The following SDHB variants were observed in gnomAD, a reference collection of about 807,000 sequenced individuals.
The protein encoded by SDHB is succinate dehydrogenase complex iron sulfur subunit B, also known as succinate dehydrogenase [ubiquinone] iron-sulfur subunit, mitochondrial.
In SDHB, 21 loss-of-function variants were observed where a neutral mutation model predicts 39.7. The ratio of observed to expected loss-of-function variants is 0.53; its 90% CI spans 0.37 to 0.76. The LOEUF (loss-of-function observed/expected upper bound fraction) is 0.76. Ranked by LOEUF, SDHB falls within the 30% of genes least tolerant of loss-of-function variation. SDHB has a pLI of 0.00. For synonymous variants in SDHB, 118 were observed against 117.0 expected (o/e 1.01, Z -0.06); for missense variants, 343 against 350.9 (o/e 0.98, Z 0.18).
At chr1:17,020,912 C>T (rs2077958800) in intron 7 of SDHB, among the ~76,000 whole-genome samples, 1 of 152,258 alleles carries the variant, frequency 6.6e-6, no homozygotes, top group Non-Finnish European at 1.5e-5. Context: ...GTGAATTCTA[C>T]AGCTTGGATT....
chr1:17,019,156 T>G (rs2077947423), intron 7 of SDHB, among the ~76,000 whole-genome samples, 198 bp from the exon 8 acceptor site: 1 of 152,144 alleles, frequency 6.6e-6, no homozygotes, highest in African/African-American at 2.4e-5. Context: ...GATGGTCAGC[T>G]CCCTCTGGCA....
At chr1:17,025,663 G>C (rs1010079490) in intron 5 of SDHB, among the ~76,000 whole-genome samples, 1 of 152,138 alleles carries the variant, frequency 6.6e-6, no homozygotes, top group Non-Finnish European at 1.5e-5. Flanking sequence ...GAGCCTCTCT[G>C]AACCTATTTT....
intron 2 of SDHB, among the ~76,000 whole-genome samples, chr1:17,043,024 C>G (rs1389958124): frequency 8.1e-6 from 1 of 122,816 alleles, no homozygotes. Context: ...TGCAGTGGCA[C>G]GATCTCGGCT....
chr1:17,037,403 G>A (rs551593268), intron 2 of SDHB, among the ~76,000 whole-genome samples: 228 of 151,404 alleles, frequency 1.5e-3, no homozygotes, highest in African/African-American at 5.5e-3. Flanking sequence ...CTGGGTTCAA[G>A]TGATCCTCCC....
chr1:17,049,301 C>CT (rs1000965442), intron 1 of SDHB, among the ~76,000 whole-genome samples: 153 of 149,686 alleles, frequency 1.0e-3, no homozygotes, highest in African/African-American at 2.1e-3. Context: ...CTAACTTGGA[C>CT]TTTTTTTTTT....
intron 2 of SDHB, among the ~76,000 whole-genome samples, chr1:17,039,038 G>C (rs2078064550): frequency 6.6e-6 from 1 of 151,650 alleles, no homozygotes; most frequent in Admixed American, 6.6e-5. Context: ...GTTGGGTTTT[G>C]CTTTTTTTAA....
intron 2 of SDHB, among the ~76,000 whole-genome samples, chr1:17,035,304 A>G (rs1164135583): frequency 6.6e-6 from 1 of 152,190 alleles, no homozygotes; most frequent in East Asian, 1.9e-4. Context: ...CTACTTAAAA[A>G]AAATTTTAAG....
chr1:17,035,810 A>T (rs1484558005), intron 2 of SDHB, among the ~76,000 whole-genome samples: 1 of 152,154 alleles, frequency 6.6e-6, no homozygotes, highest in Non-Finnish European at 1.5e-5. Flanking sequence ...CAGTGAGCCG[A>T]GACCGCACCA....
intron 5 of SDHB, among the ~76,000 whole-genome samples, chr1:17,026,714 T>C (rs2077993579): frequency 6.6e-6 from 1 of 152,130 alleles, no homozygotes; most frequent in Admixed American, 6.6e-5. Flanking sequence ...TGCTAAATAT[T>C]TACCAAGTCT....
At position 17,033,152 on chromosome 1, in the gene SDHB, A is replaced by G. The variant is rs2078032733; in HGVS notation, c.201-7T>C. 3 of 1,597,888 alleles carry G rather than the reference A, an allele frequency of 1.9e-6. No individual in the cohort carries two copies. The highest frequency in any genetic ancestry group is 2.6e-6 in the Non-Finnish European group (3 of 1,165,388). Reference sequence around the variant, plus strand: ...CAATACCATGGGGCCACATCTAACAAAGAAAAATATCCAGTGGTATTTATG... The same window carrying G: ...CAATACCATGGGGCCACATCTAACAGAGAAAAATATCCAGTGGTATTTATG... On this transcript the variant is annotated splice_polypyrimidine_tract_variant and splice_region_variant and intron_variant, in intron 2 of 7. Transcript: ENST00000375499.
intron 7 of SDHB, 28 bp downstream of exon 7, chr1:17,022,580 A>G: frequency 6.2e-7 from 1 of 1,612,994 alleles, no homozygotes; most frequent in Non-Finnish European, 8.5e-7. Flanking sequence ...GCTCTGAGGC[A>G]GAGCTGAGGG....
intron 4 of SDHB, among the ~76,000 whole-genome samples, chr1:17,028,197 C>T (rs1189780151): frequency 2.0e-5 from 3 of 152,216 alleles, no homozygotes; most frequent in African/African-American, 7.2e-5. Context: ...ACAGCTGTTG[C>T]TTTCCCAACT....
At position 17,018,998 on chromosome 1, in the gene SDHB, G is replaced by A. The variant is rs147408869; in HGVS notation, c.766-40C>T. ...AAAGAATCAATAACAAATGATAACT[G>A]AAACTGAAAGGGAAAACCCACAATC... On this transcript the variant is annotated intron_variant, in intron 7 of 7. Transcript: ENST00000375499. The A allele has an allele frequency of 9.1e-4, 1,342 of 1,476,336 alleles. 14 individuals carry two copies. The African/African-American group carries it at 0.016, about 18-fold the overall frequency. The allele number at this position is 1,476,336 out of a possible 1,614,324, so 91.5% of individuals were successfully genotyped here.
intron 1 of SDHB, among the ~76,000 whole-genome samples, chr1:17,047,275 G>A (rs2078115500): frequency 6.6e-6 from 1 of 152,046 alleles, no homozygotes; most frequent in South Asian, 2.1e-4. Flanking sequence ...AGAATCGCTT[G>A]ACCCTGGGAG....
chr1:17,039,284 T>TA (rs2078066248), intron 2 of SDHB, among the ~76,000 whole-genome samples: 1 of 151,730 alleles, frequency 6.6e-6, no homozygotes, highest in Non-Finnish European at 1.5e-5. Context: ...TCTTTGCATT[T>TA]AAAAAAATAA....
chr1:17,023,216 G>C, intron 6 of SDHB: 1 of 272,638 alleles, frequency 3.7e-6, no homozygotes, highest in South Asian at 4.0e-5. Context: ...GAGATCAGCA[G>C]GCTGAAACGA....
At chr1:17,022,441 A>G (rs2077966954) in intron 7 of SDHB, among the ~76,000 whole-genome samples, 167 bp downstream of exon 7, 1 of 152,170 alleles carries the variant, frequency 6.6e-6, no homozygotes, top group Non-Finnish European at 1.5e-5. Context: ...CCTTGCAACT[A>G]AGAGCCAAAC....
At chr1:17,030,344 G>A (rs1388351618) in intron 3 of SDHB, among the ~76,000 whole-genome samples, 15 of 152,106 alleles carry the variant, frequency 9.9e-5, no homozygotes, top group Admixed American at 9.8e-4. Flanking sequence ...CAGAGGTAAG[G>A]CTTCTTCTAT....
In SDHB at chr1:17,044,883, G is replaced by A. The variant is rs2101541630; in HGVS notation, c.78C>T (p.Ser26=). The change falls in exon 2 of 8, where the codon TCC becomes TCT. Residue 26 remains serine (S), a synonymous_variant. Transcript: ENST00000375499. ...TTLGGACLQA[S]RGAQTAAATA... is the part of the protein sequence containing the mutation. ...TGGCTGCAGCTGTCTGGGCTCCTCG[G>A]GAGGCCTGAAATTTTTTAAAGTTCA... 1.2e-6 allele frequency: 2 copies of A among 1,613,580 alleles called. No individual in the cohort carries two copies. The highest frequency in any genetic ancestry group is 1.7e-6 in the Non-Finnish European group (2 of 1,179,928).
Sources: allele counts gnomAD v4.1 joint callset (sites outside exome capture counted in the v4.1 genomes callset), GRCh38; gene constraint gnomAD v4.1.1; transcripts MANE v1.5; gene names NCBI Gene and HGNC (gene_info 2026-07-23, HGNC 2026-07-21).